The following WFDC1 variants were observed in gnomAD, a reference collection of about 807,000 sequenced individuals.
WFDC1 encodes the protein WAP four-disulfide core domain 1, also known as WAP four-disulfide core domain protein 1.
Under a neutral mutation model 32.9 loss-of-function variants are expected in WFDC1, and 39 were observed. That is an observed-to-expected ratio of 1.19 (90% CI 0.92 to 1.55). The LOEUF is 1.55. WFDC1 is among the 40% of genes most tolerant of loss of function. The pLI, the probability that WFDC1 is intolerant of heterozygous loss-of-function variation, is 0.00. For missense variants in WFDC1, 386 were observed against 309.5 expected (o/e 1.25, Z -1.85); for synonymous variants, 184 against 137.4 (o/e 1.34, Z -2.37).
chr16:84,327,040 C>T (rs770828125), intron 6 of WFDC1, 85 bp downstream of exon 6: 285 of 1,386,414 alleles, frequency 2.1e-4, no homozygotes, highest in Non-Finnish European at 2.6e-4. Context: ...GGTTGAGGAG[C>T]AGGAGGGTGA....
intron 2 of WFDC1, among the ~76,000 whole-genome samples, chr16:84,313,803 C>T (rs111228624): frequency 0.01 from 1,587 of 152,296 alleles, 31 homozygotes; most frequent in African/African-American, 0.036. Flanking sequence ...AGTCTCCTCT[C>T]CTGTGAAATG....
chr16:84,297,645 A>AGAAC (rs572290089), intron 1 of WFDC1, among the ~76,000 whole-genome samples: 8,432 of 136,078 alleles, frequency 0.062, 505 homozygotes, highest in South Asian at 0.11. Context: ...AAAAAAAAAA[A>AGAAC]AACTGTGCCT....
chr16:84,313,248 G>A, intron 2 of WFDC1, 95 bp downstream of exon 2: 1 of 1,211,502 alleles, frequency 8.3e-7, no homozygotes, highest in Non-Finnish European at 1.1e-6. Flanking sequence ...GCTTAAAGCT[G>A]GGCCACCTGG....
At chr16:84,308,327 C>T (rs1326711827) in intron 1 of WFDC1, among the ~76,000 whole-genome samples, 4 of 152,176 alleles carry the variant, frequency 2.6e-5, no homozygotes, top group Non-Finnish European at 4.4e-5. Flanking sequence ...CTGCAGGGCA[C>T]TGGTGACACC....
At position 84,313,635 on chromosome 16, in the gene WFDC1, C is replaced by A. The variant is rs546081565; in HGVS notation, c.337+482C>A. 2.0e-5 allele frequency among the ~76,000 whole-genome samples: 3 copies of A among 152,336 alleles called. No individual in the cohort carries two copies. The South Asian group carries it at 6.2e-4, about 32-fold the overall frequency. ...GGATGAGGAGGTGTCCTCTAGCTTC[C>A]CACTCACCCCATCAACCCACCAGGC... On this transcript the variant is annotated intron_variant, in intron 2 of 6. Transcript: ENST00000219454.
intron 2 of WFDC1, among the ~76,000 whole-genome samples, chr16:84,315,523 A>T (rs571375463): frequency 6.6e-6 from 1 of 152,318 alleles, no homozygotes; most frequent in Non-Finnish European, 1.5e-5. Context: ...CAATCATACT[A>T]CTAGTGAGTA....
chr16:84,297,678 C>T (rs910538283), intron 1 of WFDC1, among the ~76,000 whole-genome samples: 20 of 143,218 alleles, frequency 1.4e-4, no homozygotes, highest in Non-Finnish European at 2.7e-4. Flanking sequence ...TGGGCGAAGA[C>T]AGGCTGTTCG....
chr16:84,315,833 T>A (rs1488273617), intron 2 of WFDC1, among the ~76,000 whole-genome samples: 1 of 152,190 alleles, frequency 6.6e-6, no homozygotes, highest in Non-Finnish European at 1.5e-5. Context: ...CCATCTGGAT[T>A]TGGGTCTGTC....
At chr16:84,328,290 C>T (rs989142187) in intron 6 of WFDC1, 1 of 152,182 alleles carries the variant, frequency 6.6e-6, no homozygotes, top group African/African-American at 2.4e-5. Flanking sequence ...CCCTCACGTG[C>T]CCTCAAAGGT....
At chr16:84,328,484 T>A (rs1908732443) in intron 6 of WFDC1, 1 of 151,912 alleles carries the variant, frequency 6.6e-6, no homozygotes, top group Non-Finnish European at 1.5e-5. Flanking sequence ...TCCCGGAAAA[T>A]CTGGAGCCCG....
chr16:84,307,684 TGGGCGGAAAAATAAGCC>T (rs796714966), intron 1 of WFDC1, among the ~76,000 whole-genome samples: 6 of 152,286 alleles, frequency 3.9e-5, no homozygotes, highest in African/African-American at 1.4e-4. Flanking sequence ...AAAAATAAGC[TGGGCGGAAAAATAAGCC>T]GCCCCCTCCC....
intron 1 of WFDC1, among the ~76,000 whole-genome samples, chr16:84,305,213 C>T (rs1446611390): frequency 6.6e-6 from 1 of 152,236 alleles, no homozygotes; most frequent in African/African-American, 2.4e-5. Flanking sequence ...GCCTCCCTTG[C>T]CATAAGCATG....
chr16:84,302,093 CATG>C (rs1328064270), intron 1 of WFDC1, among the ~76,000 whole-genome samples: 1 of 152,106 alleles, frequency 6.6e-6, no homozygotes, highest in East Asian at 1.9e-4. Context: ...ACCTCGAAGA[CATG>C]ATGCTGAGTG....
chr16:84,308,242 A>C (rs1248189909), intron 1 of WFDC1, among the ~76,000 whole-genome samples: 1 of 151,924 alleles, frequency 6.6e-6, no homozygotes, highest in Non-Finnish European at 1.5e-5. Context: ...GGCAGCTGAA[A>C]ACCTCTGGCC....
intron 3 of WFDC1, 198 bp downstream of exon 3, chr16:84,318,553 T>G: frequency 1.7e-6 from 1 of 573,876 alleles, no homozygotes; most frequent in South Asian, 2.0e-5. Context: ...CAAAGCCCAG[T>G]ACAGAATAAG....
At chr16:84,324,994 T>G (rs1027836013) in intron 5 of WFDC1, among the ~76,000 whole-genome samples, 5 of 152,060 alleles carry the variant, frequency 3.3e-5, no homozygotes, top group African/African-American at 1.2e-4. Flanking sequence ...CATCTATTCA[T>G]TCTTCCATCC....
intron 4 of WFDC1, among the ~76,000 whole-genome samples, chr16:84,322,321 G>T (rs71404161): frequency 0.057 from 8,692 of 152,132 alleles, 370 homozygotes; most frequent in Non-Finnish European, 0.082. Flanking sequence ...TTATATATAG[G>T]TTTGAAAACA....
chr16:84,326,540 A>T (rs1030796952), intron 5 of WFDC1: 1 of 253,800 alleles, frequency 3.9e-6, no homozygotes, highest in African/African-American at 2.2e-5. Flanking sequence ...AGGAGGAGAC[A>T]TGAAAGCTCA....
chr16:84,318,187 T>C (rs1597687097), intron 2 of WFDC1, 85 bp from the exon 3 acceptor site: 4 of 1,276,722 alleles, frequency 3.1e-6, no homozygotes, highest in Middle Eastern at 3.7e-4. Flanking sequence ...TGTGCTGTCA[T>C]GAAGTTGGGG....
Sources: gnomAD v4.1 joint callset for allele counts (sites outside exome capture counted in the v4.1 genomes callset) on GRCh38, gnomAD v4.1.1 for gene constraint, MANE v1.5 for transcripts, NCBI Gene and HGNC (gene_info 2026-07-23, HGNC 2026-07-21) for gene names.